Variants in NEDD9 observed in about 807,000 individuals in gnomAD.
NEDD9 encodes the protein neural precursor cell expressed, developmentally down-regulated 9, also known as enhancer of filamentation 1.
NEDD9 carries 26 observed loss-of-function variants against 76.6 expected under a neutral mutation model. The observed-to-expected ratio is 0.34, with a 90% confidence interval of 0.25 to 0.47. The LOEUF (loss-of-function observed/expected upper bound fraction) is 0.47, where lower values mean the gene tolerates loss of function less well. Ranked by LOEUF, NEDD9 falls within the 20% of genes least tolerant of loss-of-function variation. NEDD9 has a pLI of 1.00. For missense variants in NEDD9, 937 were observed against 1,058.5 expected (o/e 0.89, Z 1.59); for synonymous variants, 392 against 414.2 (o/e 0.95, Z 0.65).
chr6:11,345,393 T>A (rs1209881075), intron 1 of NEDD9, among the ~76,000 whole-genome samples: 1 of 152,162 alleles, frequency 6.6e-6, no homozygotes, highest in Admixed American at 6.5e-5. Context: ...TACTTGTACA[T>A]GGAGCTGTCT....
At chr6:11,270,775 C>T (rs1480488971) in intron 3 of NEDD9, among the ~76,000 whole-genome samples, 3 of 152,176 alleles carry the variant, frequency 2.0e-5, no homozygotes, top group Non-Finnish European at 4.4e-5. Flanking sequence ...TTCAGTCTAG[C>T]AGGACAGACA....
intron 3 of NEDD9, among the ~76,000 whole-genome samples, chr6:11,239,350 C>T (rs1759665342): frequency 1.3e-5 from 2 of 152,042 alleles, no homozygotes; most frequent in African/African-American, 4.8e-5. Flanking sequence ...GCCCATTTTG[C>T]ACTTATGTAG....
In NEDD9 at chr6:11,184,595, A is replaced by G. The variant is rs1757930267; in HGVS notation, c.*567T>C. 1 of 152,894 alleles carries G rather than the reference A, an allele frequency of 6.5e-6. No individual in the cohort carries two copies. Among genetic ancestry groups the G allele is most frequent in the Admixed American group, 6.5e-5 (1 of 15,370 alleles). 9.5% of individuals were successfully genotyped at this position (152,894 alleles called of 1,614,324 possible). ...CAAGAGGGCTTTTGGGCACTTGGCC[A>G]TCATGTGTTTAAGATGGTCAGTTTT... is the stretch of plus-strand genomic sequence containing the variant. On this transcript the variant is annotated 3_prime_UTR_variant, in exon 7 of 7. Coordinates refer to ENST00000379446, the MANE Select transcript of NEDD9 (RefSeq NM_006403.4).
At chr6:11,295,899 G>T (rs1760877115) in intron 3 of NEDD9, among the ~76,000 whole-genome samples, 1 of 152,160 alleles carries the variant, frequency 6.6e-6, no homozygotes, top group Non-Finnish European at 1.5e-5. Flanking sequence ...CACGTTAGGT[G>T]TGTGATGGAC....
chr6:11,315,689 G>A (rs1015900216), intron 2 of NEDD9, among the ~76,000 whole-genome samples: 1 of 152,130 alleles, frequency 6.6e-6, no homozygotes, highest in Non-Finnish European at 1.5e-5. Context: ...GCTTATAAAT[G>A]AATTCAAAAT....
At chr6:11,245,082 T>G (rs1759782078) in intron 3 of NEDD9, among the ~76,000 whole-genome samples, 1 of 152,252 alleles carries the variant, frequency 6.6e-6, no homozygotes, top group Admixed American at 6.5e-5. Flanking sequence ...TTGGAGATTA[T>G]AGGCACTCAG....
intron 1 of NEDD9, among the ~76,000 whole-genome samples, chr6:11,354,148 T>C (rs766727223): frequency 3.9e-5 from 6 of 152,082 alleles, no homozygotes; most frequent in Non-Finnish European, 8.8e-5. Context: ...CAAAGCTGAG[T>C]TGGGCTGAGA....
chr6:11,265,812 G>T (rs1760189759), intron 3 of NEDD9, among the ~76,000 whole-genome samples: 1 of 152,104 alleles, frequency 6.6e-6, no homozygotes, highest in Non-Finnish European at 1.5e-5. Context: ...ATTAGGTAAA[G>T]AAAATGTGGT....
rs1016500469 is a variant in NEDD9, at chr6:11,184,971, CAG to C, written c.*189_*190del. The C allele has an allele frequency of 8.6e-6, 6 of 695,526 alleles. No individual in the cohort carries two copies. Among genetic ancestry groups the C allele is most frequent in the Admixed American group, 3.1e-5 (1 of 32,032 alleles). 43.1% of individuals were successfully genotyped at this position (695,526 alleles called of 1,614,324 possible). A position where few individuals can be genotyped will look rare whatever the true frequency, so the allele number is the denominator to read the frequency against. On this transcript the variant is annotated 3_prime_UTR_variant, in exon 7 of 7. Coordinates refer to ENST00000379446, the MANE Select transcript of NEDD9 (RefSeq NM_006403.4). ...CTTCTATGTATACATAAGAACCACT[CAG>C]GGGGAAAAAAAAAGATTTCCCTCTC...
intron 3 of NEDD9, among the ~76,000 whole-genome samples, chr6:11,282,384 G>A (rs552760517): frequency 6.6e-6 from 1 of 152,290 alleles, no homozygotes; most frequent in Non-Finnish European, 1.5e-5. Context: ...ACCACATGGT[G>A]CCAGTGCCAT....
intron 1 of NEDD9, among the ~76,000 whole-genome samples, chr6:11,347,861 C>T (rs1762392903): frequency 6.6e-6 from 1 of 152,206 alleles, no homozygotes; most frequent in Non-Finnish European, 1.5e-5. Flanking sequence ...AAGCTGGAAG[C>T]ATTCCCCTTG....
intron 1 of NEDD9, among the ~76,000 whole-genome samples, chr6:11,338,344 GC>G (rs1408751538): frequency 5.3e-5 from 8 of 152,178 alleles, no homozygotes; most frequent in Admixed American, 5.2e-4. Flanking sequence ...CTCCCTTGCA[GC>G]CCTCGAAAGG....
intron 1 of NEDD9, among the ~76,000 whole-genome samples, chr6:11,222,435 A>C (rs747320329): frequency 1.3e-5 from 2 of 152,210 alleles, no homozygotes; most frequent in Non-Finnish European, 2.9e-5. Context: ...TGCAGCCACT[A>C]AGCTGTCTCA....
At chr6:11,240,393 A>G (rs1759688690) in intron 3 of NEDD9, among the ~76,000 whole-genome samples, 1 of 152,034 alleles carries the variant, frequency 6.6e-6, no homozygotes. Context: ...GCTTCCTTCC[A>G]TCTCTTTGAG....
intron 3 of NEDD9, 31 bp from the exon 4 acceptor site, chr6:11,192,477 G>A: frequency 6.6e-7 from 1 of 1,512,304 alleles, no homozygotes; most frequent in Non-Finnish European, 9.2e-7. Flanking sequence ...TACCCAGAAT[G>A]GAAATGTCTT....
At chr6:11,363,108 T>C (rs2179178) in intron 1 of NEDD9, among the ~76,000 whole-genome samples, 97,386 of 152,124 alleles carry the variant, frequency 0.64, 31,859 homozygotes, top group African/African-American at 0.77. Flanking sequence ...ATGACTTCAT[T>C]TCAATGCATA....
intron 2 of NEDD9, chr6:11,201,072 G>C: frequency 6.2e-7 from 1 of 1,614,152 alleles, no homozygotes; most frequent in Non-Finnish European, 8.5e-7. Flanking sequence ...TTTCTGTCAA[G>C]ACAAGTTCTG....
At chr6:11,237,184 T>C (rs190022008), upstream of NEDD9, among the ~76,000 whole-genome samples, 8 of 152,320 alleles carry the variant, frequency 5.3e-5, no homozygotes, top group East Asian at 1.5e-3. The surrounding 1 kb of genome is among the most constrained non-coding windows in gnomAD (Gnocchi z 4.9). Flanking sequence ...CACGGCCCTA[T>C]TATAAGGGCT....
intron 1 of NEDD9, among the ~76,000 whole-genome samples, chr6:11,347,085 G>T (rs566761097): frequency 2.6e-5 from 4 of 152,126 alleles, no homozygotes; most frequent in Admixed American, 6.5e-5. Flanking sequence ...CTTCACCTCA[G>T]GTCCTTGTGT....
Sources: gnomAD v4.1 joint callset for allele counts (sites outside exome capture counted in the v4.1 genomes callset) on GRCh38, gnomAD v4.1.1 for gene constraint, Gnocchi (gnomAD v3.1) non-coding constraint, MANE v1.5 for transcripts, NCBI Gene and HGNC (gene_info 2026-07-23, HGNC 2026-07-21) for gene names.